The following TNR variants were observed in gnomAD, a reference collection of about 807,000 sequenced individuals.
The protein encoded by TNR is tenascin R.
A neutral mutation model predicts 150.4 loss-of-function variants in TNR; 45 were observed. The ratio of observed to expected loss-of-function variants is 0.30; its 90% confidence interval spans 0.24 to 0.38. TNR has a LOEUF of 0.38. Ranked by LOEUF, TNR falls within the 10% of genes least tolerant of loss-of-function variation. The pLI, the probability that TNR is intolerant of heterozygous loss-of-function variation, is 1.00. For missense variants in TNR, 1,544 were observed against 1,759.1 expected (o/e 0.88, Z 2.19); for synonymous variants, 687 against 678.4 (o/e 1.01, Z -0.20).
At chr1:175,725,377 A>G (rs944544011) in intron 1 of TNR, among the ~76,000 whole-genome samples, 36 of 152,356 alleles carry the variant, frequency 2.4e-4, no homozygotes, top group East Asian at 1.5e-3. Flanking sequence ...CTTAAGCAAT[A>G]TGACAGTCAT....
chr1:175,691,059 G>C (rs1666355124), intron 1 of TNR, among the ~76,000 whole-genome samples: 1 of 151,734 alleles, frequency 6.6e-6, no homozygotes. Context: ...AGTTCTTTGG[G>C]GCCATTTTAA....
At chr1:175,331,053 C>CTTTCTTTCTT (rs1649789898) in intron 20 of TNR, among the ~76,000 whole-genome samples, 3 of 113,246 alleles carry the variant, frequency 2.6e-5, no homozygotes, top group Non-Finnish European at 5.6e-5. Flanking sequence ...TTCTTTCTTT[C>CTTTCTTTCTT]TTTCTTTCTT....
chr1:175,393,996 G>A (rs536952793), intron 5 of TNR, 101 bp from the exon 6 acceptor site: 22 of 940,062 alleles, frequency 2.3e-5, no homozygotes, highest in East Asian at 7.3e-5. Context: ...CGCCATGGGC[G>A]TGGTGGTGTC....
chr1:175,453,525 T>G (rs1331711128), intron 2 of TNR, among the ~76,000 whole-genome samples: 3 of 152,094 alleles, frequency 2.0e-5, no homozygotes, highest in Non-Finnish European at 4.4e-5. Flanking sequence ...CTTGCAGTTT[T>G]TTGGTTTTTA....
intron 1 of TNR, among the ~76,000 whole-genome samples, chr1:175,695,810 G>A (rs1338051692): frequency 6.6e-6 from 1 of 152,076 alleles, no homozygotes; most frequent in African/African-American, 2.4e-5. Flanking sequence ...TGTTCATTAG[G>A]GTGATTATTG....
intron 1 of TNR, among the ~76,000 whole-genome samples, chr1:175,651,811 A>AAAATTCTAGACC: frequency 6.6e-6 from 1 of 151,952 alleles, no homozygotes; most frequent in South Asian, 2.1e-4. Flanking sequence ...CACAGAAACA[A>AAAATTCTAGACC]AAATTCTAGA....
At chr1:175,643,879 A>C (rs1010854310) in intron 1 of TNR, among the ~76,000 whole-genome samples, 3 of 152,240 alleles carry the variant, frequency 2.0e-5, no homozygotes, top group Admixed American at 6.5e-5. Flanking sequence ...CAGTCATTTG[A>C]TGCATCCTGA....
intron 1 of TNR, among the ~76,000 whole-genome samples, chr1:175,611,112 T>C (rs999019021): frequency 6.6e-6 from 1 of 152,126 alleles, no homozygotes; most frequent in Admixed American, 6.5e-5. Context: ...TTCACTGATA[T>C]ATATTCTTCA....
At chr1:175,335,133 A>G (rs1571307003) in intron 20 of TNR, among the ~76,000 whole-genome samples, 1 of 152,360 alleles carries the variant, frequency 6.6e-6, no homozygotes, top group East Asian at 1.9e-4. Flanking sequence ...ACCACTTTCC[A>G]GAACTTGGCA....
At chr1:175,724,415 T>C (rs1667422729) in intron 1 of TNR, among the ~76,000 whole-genome samples, 1 of 152,170 alleles carries the variant, frequency 6.6e-6, no homozygotes, top group East Asian at 1.9e-4. Flanking sequence ...ACTATAATGA[T>C]GACAGTACCA....
intron 1 of TNR, among the ~76,000 whole-genome samples, chr1:175,699,418 C>T (rs959826284): frequency 2.0e-5 from 3 of 152,088 alleles, no homozygotes; most frequent in African/African-American, 7.2e-5. Context: ...TTCCTCTAGC[C>T]ATTTTCAGTT....
chr1:175,363,603 A>G, intron 13 of TNR, 105 bp downstream of exon 13: 1 of 1,445,788 alleles, frequency 6.9e-7, no homozygotes. Flanking sequence ...GCCACAGAGA[A>G]GAGGAAAAAC....
chr1:175,349,216 A>G (rs1650940504), intron 18 of TNR, among the ~76,000 whole-genome samples: 1 of 152,178 alleles, frequency 6.6e-6, no homozygotes, highest in Non-Finnish European at 1.5e-5. Flanking sequence ...ATCCCCTATG[A>G]CCCAGCAATT....
intron 1 of TNR, among the ~76,000 whole-genome samples, chr1:175,699,145 C>T (rs759240421): frequency 2.6e-5 from 4 of 151,986 alleles, no homozygotes; most frequent in Non-Finnish European, 4.4e-5. Flanking sequence ...TTGCTAATGG[C>T]TTGGATGCAG....
intron 9 of TNR, among the ~76,000 whole-genome samples, chr1:175,378,474 A>G (rs1652515428): frequency 6.6e-6 from 1 of 152,184 alleles, no homozygotes; most frequent in Non-Finnish European, 1.5e-5. Flanking sequence ...GAGTGCTAAG[A>G]AGTGAATGGA....
intron 2 of TNR, among the ~76,000 whole-genome samples, chr1:175,496,063 G>A (rs976491376): frequency 6.6e-6 from 1 of 152,122 alleles, no homozygotes; most frequent in African/African-American, 2.4e-5. Flanking sequence ...TGGAATTGAC[G>A]TGAAGAAGTC....
At chr1:175,394,044 T>A in intron 5 of TNR, 149 bp from the exon 6 acceptor site, 1 of 638,952 alleles carries the variant, frequency 1.6e-6, no homozygotes, top group African/African-American at 1.8e-5. Context: ...ACACAGTGAG[T>A]CCCAGGTGCA....
intron 2 of TNR, among the ~76,000 whole-genome samples, chr1:175,490,860 C>T (rs1025249460): frequency 2.0e-5 from 3 of 152,168 alleles, no homozygotes; most frequent in South Asian, 2.1e-4. Context: ...CCAATAATCT[C>T]ATTACTGGGT....
intron 1 of TNR, among the ~76,000 whole-genome samples, chr1:175,689,673 A>C (rs74871735): frequency 9.4e-4 from 143 of 152,308 alleles, no homozygotes; most frequent in African/African-American, 3.2e-3. Flanking sequence ...ATTGGCCTCG[A>C]TGCCATCCCA....
Sources: gnomAD v4.1 joint callset for allele counts (sites outside exome capture counted in the v4.1 genomes callset) on GRCh38, gnomAD v4.1.1 for gene constraint, MANE v1.5 for transcripts, NCBI Gene and HGNC (gene_info 2026-07-23, HGNC 2026-07-21) for gene names.